Variants in IPO7 observed in about 807,000 individuals in gnomAD.
The protein encoded by IPO7 is importin 7.
In IPO7, 13 loss-of-function variants were observed where a neutral mutation model predicts 136.4. The observed-to-expected ratio is 0.10, with a 90% confidence interval of 0.06 to 0.15. IPO7 has a LOEUF of 0.15. Among genes scored for constraint, IPO7 ranks in the 10% least tolerant of loss-of-function variants. The pLI is 1.00. For synonymous variants in IPO7, 403 were observed against 404.4 expected (o/e 1.00, Z 0.04); for missense variants, 857 against 1,240.6 (o/e 0.69, Z 4.65).
At chr11:9,432,773 C>T (rs1855314305) in intron 16 of IPO7, among the ~76,000 whole-genome samples, 1 of 152,048 alleles carries the variant, frequency 6.6e-6, no homozygotes, top group Non-Finnish European at 1.5e-5. Flanking sequence ...ATTTGTATTT[C>T]TTGTCAGTCT....
intron 1 of IPO7, among the ~76,000 whole-genome samples, chr11:9,401,745 G>A (rs770308729): frequency 3.9e-5 from 6 of 152,088 alleles, no homozygotes; most frequent in Admixed American, 6.5e-5. Context: ...ATAGTCTATT[G>A]TTTTATTGTA....
intron 9 of IPO7, 59 bp from the exon 10 acceptor site, chr11:9,423,718 A>G: frequency 9.1e-7 from 1 of 1,100,442 alleles, no homozygotes; most frequent in Non-Finnish European, 1.3e-6. Flanking sequence ...CTTAAAGGAA[A>G]TTTGAAGGTT....
intron 11 of IPO7, 43 bp from the exon 12 acceptor site, chr11:9,425,103 C>A: frequency 7.4e-7 from 1 of 1,347,218 alleles, no homozygotes; most frequent in Non-Finnish European, 1.1e-6. Context: ...TTTTTAAGGA[C>A]TGTTGGCCTA....
chr11:9,409,550 T>C (rs1358407734), intron 3 of IPO7, among the ~76,000 whole-genome samples: 2 of 152,106 alleles, frequency 1.3e-5, no homozygotes, highest in East Asian at 3.9e-4. Context: ...CAGCTAATTT[T>C]TGTGTTTTTA....
At chr11:9,421,868 T>TG (rs1274618469) in intron 8 of IPO7, among the ~76,000 whole-genome samples, 1 of 148,012 alleles carries the variant, frequency 6.8e-6, no homozygotes, top group Non-Finnish European at 1.5e-5. Flanking sequence ...GGCGTGAACC[T>TG]GGGGGGTGCA....
At chr11:9,443,481 C>G (rs143075277) in intron 24 of IPO7, among the ~76,000 whole-genome samples, 2,594 of 150,886 alleles carry the variant, frequency 0.017, 70 homozygotes, top group African/African-American at 0.059. Context: ...ATCCCAGCTA[C>G]TCGGGAGGCT....
chr11:9,433,954 G>C (rs1307651789), intron 18 of IPO7, 108 bp downstream of exon 18: 2 of 1,117,354 alleles, frequency 1.8e-6, no homozygotes, highest in Non-Finnish European at 2.5e-6. Context: ...TCGGAATTTT[G>C]CTCTTGTTGC....
chr11:9,400,480 G>A (rs1854777244), intron 1 of IPO7, among the ~76,000 whole-genome samples: 1 of 151,884 alleles, frequency 6.6e-6, no homozygotes, highest in South Asian at 2.1e-4. Context: ...GGAGTGCGGT[G>A]GCGCGATCTC....
chr11:9,437,892 A>G lies in IPO7; in HGVS notation c.2407A>G (p.Asn803Asp). The change falls in exon 21 of 25, where the codon AAT (asparagine) becomes GAT (aspartate). Residue 803 changes from asparagine to aspartate, a missense_variant. By Grantham distance (23) the Asn-to-Asp change is conservative. Transcript: ENST00000379719. ...NPHLLLNTLE[N>D]LRFPNNVEPV... ...ACACCTACTACTCAATACCTTAGAA[A>G]ATCTTCGCTTCCCTAATAATGTTGA... The G allele has an allele frequency of 1.9e-6, 3 of 1,613,946 alleles. No homozygotes were observed. Among genetic ancestry groups the G allele is most frequent in the Non-Finnish European group, 2.5e-6 (3 of 1,179,870 alleles).
chr11:9,437,783 A>G lies in IPO7; in HGVS notation c.2298A>G (p.Leu766=), dbSNP rs756940292. ...QCIPLFVEAA[L]ERLTREVKTS... is the part of the protein sequence containing the mutation. ...TTCCCTTATTCGTGGAAGCAGCCTT[A>G]GAAAGACTGACAAGAGAGGTTAAGA... Residue 766 remains leucine (L), a synonymous_variant, in exon 21 of 25, where the codon TTA becomes TTG. Transcript: ENST00000379719. 1 of 1,613,966 alleles carries G rather than the reference A, an allele frequency of 6.2e-7. No homozygotes were observed. Among genetic ancestry groups the G allele is most frequent in the South Asian group, 1.1e-5 (1 of 91,084 alleles).
At chr11:9,431,599 G>T (rs1855295085) in intron 16 of IPO7, among the ~76,000 whole-genome samples, 1 of 151,980 alleles carries the variant, frequency 6.6e-6, no homozygotes, top group African/African-American at 2.4e-5. Context: ...TAAAGTTTAG[G>T]TGATTAAGAA....
intron 16 of IPO7, among the ~76,000 whole-genome samples, chr11:9,432,813 G>A (rs1009526859): frequency 6.6e-6 from 1 of 151,962 alleles, no homozygotes; most frequent in African/African-American, 2.4e-5. Flanking sequence ...ACATTCCATG[G>A]TTCACTATAT....
At position 9,436,264 on chromosome 11, in the gene IPO7, T is replaced by C. The variant is rs755311442; in HGVS notation, c.2173-7T>C. ...CCTTACTGCAATTTATATTCTGTTT[T>C]GATCAGGTTCTTACAGGAGTTGCAG... On this transcript the variant is annotated splice_polypyrimidine_tract_variant and splice_region_variant and intron_variant, in intron 19 of 24. Coordinates refer to ENST00000379719, the MANE Select transcript of IPO7 (RefSeq NM_006391.3). The C allele has an allele frequency of 6.2e-7, 1 of 1,601,974 alleles. No homozygotes were observed. The highest frequency in any genetic ancestry group is 1.7e-5 in the Admixed American group (1 of 59,848).
At chr11:9,384,975 A>G (rs1176318919) in intron 1 of IPO7, 128 bp downstream of exon 1, 2 of 685,318 alleles carry the variant, frequency 2.9e-6, no homozygotes, top group Non-Finnish European at 4.9e-6. Flanking sequence ...TGGGGCGGAC[A>G]TCTGACGGCG....
In IPO7 at chr11:9,391,196, G is replaced by A. The variant is rs186565792; in HGVS notation, c.84+6349G>A. Reference sequence around the variant, plus strand: ...GGGCGGATCACAAGGTCGGGAGTTCGAGACAAGCCTGATCAACATAGTGAA... The same window carrying A: ...GGGCGGATCACAAGGTCGGGAGTTCAAGACAAGCCTGATCAACATAGTGAA... On this transcript the variant is annotated intron_variant, in intron 1 of 24. Coordinates refer to ENST00000379719, the MANE Select transcript of IPO7 (RefSeq NM_006391.3). 3.3e-3 allele frequency among the ~76,000 whole-genome samples: 508 copies of A among 151,992 alleles called. 6 individuals are homozygous for A. Among genetic ancestry groups the A allele is most frequent in the African/African-American group, 0.012 (487 of 41,456 alleles).
At position 9,422,866 on chromosome 11, in the gene IPO7, A is replaced by G. The variant is rs561787688; in HGVS notation, c.907-140A>G. On this transcript the variant is annotated intron_variant, in intron 8 of 24. Coordinates refer to ENST00000379719, the MANE Select transcript of IPO7 (RefSeq NM_006391.3). ...TTTCATTCTTAATCAGAAATGAGTT[A>G]AATTATTTTTCAAAGTATACGGTTG... 33 of 461,874 alleles carry G rather than the reference A, an allele frequency of 7.1e-5. No individual in the cohort carries two copies. In the East Asian group the frequency reaches 1.0e-3, roughly 14 times the overall value. 28.6% of individuals were successfully genotyped at this position (461,874 alleles called of 1,614,324 possible). A position where few individuals can be genotyped will look rare whatever the true frequency, so the allele number is the denominator to read the frequency against.
intron 6 of IPO7, among the ~76,000 whole-genome samples, chr11:9,419,559 A>ATATATATATATATATAT (rs1554954689): frequency 3.4e-5 from 4 of 116,846 alleles, no homozygotes; most frequent in African/African-American, 1.5e-4. Flanking sequence ...AAAAAAAAAA[A>ATATATATATATATATAT]ATATATATAT....
chr11:9,391,176 G>T (rs1253590120), intron 1 of IPO7, among the ~76,000 whole-genome samples: 1 of 152,086 alleles, frequency 6.6e-6, no homozygotes, highest in Non-Finnish European at 1.5e-5. Context: ...GAGGTGGGCG[G>T]ATCACAAGGT....
intron 1 of IPO7, among the ~76,000 whole-genome samples, chr11:9,401,063 C>A (rs1353552468): frequency 6.6e-6 from 1 of 151,914 alleles, no homozygotes; most frequent in African/African-American, 2.4e-5. Context: ...TGCCTGTAAT[C>A]CCAGCTACTC....
Sources: allele counts gnomAD v4.1 joint callset (sites outside exome capture counted in the v4.1 genomes callset), GRCh38; gene constraint gnomAD v4.1.1; transcripts MANE v1.5; gene names NCBI Gene and HGNC (gene_info 2026-07-23, HGNC 2026-07-21).